The following TAPBP variants were observed in gnomAD, a reference collection of about 807,000 sequenced individuals.
The protein encoded by TAPBP is TAP binding protein.
TAPBP carries 38 observed loss-of-function variants against 45.7 expected under a neutral mutation model. The observed-to-expected ratio is 0.83, with a 90% CI of 0.64 to 1.09. The LOEUF (loss-of-function observed/expected upper bound fraction) is 1.09. Ranked by LOEUF, TAPBP falls within the 50% of genes least tolerant of loss-of-function variation. TAPBP has a pLI of 0.00. For synonymous variants in TAPBP, 226 were observed against 254.8 expected, an observed-to-expected ratio of 0.89 and a Z score of 1.08; for missense variants, 513 against 587.3, an observed-to-expected ratio of 0.87 and a Z score of 1.31.
Position 33,304,479 on chromosome 6 carries a change from G to A in TAPBP, c.1028C>T (p.Ala343Val), listed in dbSNP as rs757939000. 1 of 1,613,002 alleles carries A rather than the reference G, an allele frequency of 6.2e-7. No individual in the cohort carries two copies. Among genetic ancestry groups the A allele is most frequent in the South Asian group, 1.1e-5 (1 of 90,922 alleles). ...RGGPGGRSQK[A>V]EGQRWLSALR... ...GGCCGAGAGCCACCTCTGCCCCTCGGCCTTCTGAGAGCGGCCCCCTGGGCC... is the reference window on the plus strand; with the variant it reads ...GGCCGAGAGCCACCTCTGCCCCTCGACCTTCTGAGAGCGGCCCCCTGGGCC... The change falls in exon 5 of 8, where the codon GCC (alanine) becomes GTC (valine). Residue 343 changes from alanine (A) to valine (V), a missense_variant. By Grantham distance (64) the Ala-to-Val change is moderately conservative. Coordinates refer to ENST00000434618, the MANE Select transcript of TAPBP (RefSeq NM_003190.5).
intron 7 of TAPBP, 197 bp downstream of exon 7, chr6:33,303,758 C>T (rs1768740557): frequency 6.4e-7 from 1 of 1,551,078 alleles, no homozygotes; most frequent in Non-Finnish European, 8.7e-7. Flanking sequence ...ATCCCTACAC[C>T]CAAGGAAACA....
At chr6:33,301,964 T>C (rs563288193) in intron 7 of TAPBP, among the ~76,000 whole-genome samples, 193 bp from the exon 8 acceptor site, 59 of 152,214 alleles carry the variant, frequency 3.9e-4, no homozygotes, top group Non-Finnish European at 6.6e-4. Flanking sequence ...CTGTCTTCCT[T>C]AATCCTCCTA....
At chr6:33,306,764 A>G (rs1367071182) in intron 3 of TAPBP, among the ~76,000 whole-genome samples, 1 of 152,222 alleles carries the variant, frequency 6.6e-6, no homozygotes, top group African/African-American at 2.4e-5. Context: ...GGATCACCTG[A>G]GTTCGGGAGT....
chr6:33,308,302 C>G (rs1337460452), intron 3 of TAPBP: 2 of 152,154 alleles, frequency 1.3e-5, no homozygotes, highest in Non-Finnish European at 2.9e-5. Flanking sequence ...CACCCCATTG[C>G]ACTCCAGCAT....
chr6:33,309,385 C>CA (rs11455464), intron 3 of TAPBP, among the ~76,000 whole-genome samples: 86,504 of 147,088 alleles, frequency 0.59, 25,770 homozygotes, highest in African/African-American at 0.72. Flanking sequence ...AACTTGATCT[C>CA]AAAAAAAAAA....
At chr6:33,302,890 G>A (rs1240459423) in intron 7 of TAPBP, among the ~76,000 whole-genome samples, 2 of 151,600 alleles carry the variant, frequency 1.3e-5, no homozygotes, top group Non-Finnish European at 2.9e-5. Context: ...TGATCCTCCC[G>A]CCTCGGCCTC....
Position 33,313,436 on chromosome 6 carries a change from G to A in TAPBP, c.250C>T (p.Arg84Trp). 6.3e-7 allele frequency: 1 copy of A among 1,596,548 alleles called. No homozygotes were observed. The highest frequency in any genetic ancestry group is 8.6e-7 in the Non-Finnish European group (1 of 1,169,012). ...TCGCAGTGTGGTGCGGGGGCGCCCC[G>A]GGGATACCGCCTGAAGGCAGCCTGG... ...ALQAAFRRYP[R>W]GAPAPHCEMS... is the part of the protein sequence containing the mutation. Residue 84 changes from arginine (R) to tryptophan (W), a missense_variant, in exon 3 of 8, where the codon CGG (arginine) becomes TGG (tryptophan). Physicochemically the swap from Arg to Trp is moderately radical, Grantham distance 101. Coordinates refer to ENST00000434618, the MANE Select transcript of TAPBP (RefSeq NM_003190.5). The surrounding 1 kb of genome is among the most constrained non-coding windows in gnomAD (Gnocchi z 7.2).
chr6:33,313,434 C>A lies in TAPBP; in HGVS notation c.252G>T (p.Arg84=), dbSNP rs1386765002. The part of the protein sequence containing the change: ...ALQAAFRRYP[R]GAPAPHCEMS... ...TCTCGCAGTGTGGTGCGGGGGCGCC[C>A]CGGGGATACCGCCTGAAGGCAGCCT... Residue 84 remains arginine (R), a synonymous_variant, in exon 3 of 8, where the codon CGG becomes CGT. Transcript: ENST00000434618. This position sits in a 1 kb window ranked among gnomAD's most constrained non-coding sequence, Gnocchi z 7.2. 2 of 1,596,714 alleles carry A rather than the reference C, an allele frequency of 1.3e-6. No homozygotes were observed. The highest frequency in any genetic ancestry group is 2.3e-5 in the East Asian group (1 of 44,262).
chr6:33,302,293 G>A (rs1313987987), intron 7 of TAPBP, among the ~76,000 whole-genome samples: 8 of 151,708 alleles, frequency 5.3e-5, no homozygotes, highest in Non-Finnish European at 1.5e-5. Flanking sequence ...CTATAGCTGT[G>A]TGCCACCATG....
At position 33,305,265 on chromosome 6, in the gene TAPBP, CCGGAGCCAGAGATGAGGCGGCCT is replaced by C. The variant is rs1768902276; in HGVS notation, c.569_591del (p.Glu190GlyfsTer16). On this transcript the variant is annotated frameshift_variant, in exon 4 of 8. Transcript: ENST00000434618. LOFTEE classifies it high-confidence loss of function. The surrounding 1 kb of genome is among the most constrained non-coding windows in gnomAD (Gnocchi z 4.4). ...CACTCTAGCCCAAAGGGAGGGGGAC[CCGGAGCCAGAGATGAGGCGGCCT>C]CGGAGGTGGGGGGCATGTAGGCAAA... The C allele has an allele frequency of 1.9e-6, 3 of 1,601,622 alleles. No individual in the cohort carries two copies. Among genetic ancestry groups the C allele is most frequent in the Non-Finnish European group, 2.6e-6 (3 of 1,172,780 alleles).
chr6:33,311,651 A>G (rs1403593277), intron 3 of TAPBP, among the ~76,000 whole-genome samples: 5 of 151,646 alleles, frequency 3.3e-5, no homozygotes, highest in Admixed American at 3.3e-4. Context: ...AATAAATAAA[A>G]TAAAAATAAA....
In TAPBP at chr6:33,313,450, A is replaced by C; in HGVS notation, c.236T>G (p.Phe79Cys). 1 of 1,589,224 alleles carries C rather than the reference A, an allele frequency of 6.3e-7. No homozygotes were observed. Among genetic ancestry groups the C allele is most frequent in the Non-Finnish European group, 8.6e-7 (1 of 1,164,578 alleles). The change falls in exon 3 of 8, where the codon TTC becomes TGC. Residue 79 changes from phenylalanine (F) to cysteine (C), a missense_variant. Coordinates refer to ENST00000434618, the MANE Select transcript of TAPBP (RefSeq NM_003190.5). The surrounding 1 kb of genome is among the most constrained non-coding windows in gnomAD (Gnocchi z 7.2). Reference sequence around the variant, plus strand: ...GGGGGCGCCCCGGGGATACCGCCTGAAGGCAGCCTGGAGGGCGCCCGCGGG... The same window carrying C: ...GGGGGCGCCCCGGGGATACCGCCTGCAGGCAGCCTGGAGGGCGCCCGCGGG... ...HDPAGALQAA[F>C]RRYPRGAPAP...
Position 33,304,463 on chromosome 6 carries a change from C to A in TAPBP, c.1044G>T (p.Trp348Cys). 6.2e-7 allele frequency: 1 copy of A among 1,611,756 alleles called. No individual in the cohort carries two copies. The highest frequency in any genetic ancestry group is 8.5e-7 in the Non-Finnish European group (1 of 1,178,898). The change falls in exon 5 of 8, where the codon TGG becomes TGT. Residue 348 changes from tryptophan to cysteine, a missense_variant. Physicochemically the swap from Trp to Cys is radical, Grantham distance 215. Coordinates refer to ENST00000434618, the MANE Select transcript of TAPBP (RefSeq NM_003190.5). ...GRSQKAEGQR[W>C]LSALRHHSDG... ...CGGAATGGTGGCGCAGGGCCGAGAG[C>A]CACCTCTGCCCCTCGGCCTTCTGAG...
At position 33,313,819 on chromosome 6, in the gene TAPBP, C is replaced by T. The variant is rs1769575649; in HGVS notation, c.83G>A (p.Trp28Ter). 2 of 1,613,832 alleles carry T rather than the reference C, an allele frequency of 1.2e-6. No individual in the cohort carries two copies. The highest frequency in any genetic ancestry group is 1.7e-6 in the Non-Finnish European group (2 of 1,180,002). ...CTTTCCGCTCGCATCCTCCACGAAC[C>T]AACACTCGATCACCGCGGGTCCTGC... ...VSAGPAVIEC[W>*]FVEDASGKGL... Residue 28 changes from tryptophan (W) to a stop codon, truncating the protein, a stop_gained, in exon 2 of 8, where the codon TGG becomes TAG. Transcript: ENST00000434618. LOFTEE classifies it high-confidence loss of function. The surrounding 1 kb of genome is among the most constrained non-coding windows in gnomAD (Gnocchi z 7.2).
At chr6:33,311,819 AG>A (rs928439050) in intron 3 of TAPBP, among the ~76,000 whole-genome samples, 19 of 152,296 alleles carry the variant, frequency 1.2e-4, no homozygotes, top group African/African-American at 3.8e-4. Flanking sequence ...CCTGGAGAGC[AG>A]AGTCTACATC....
At chr6:33,307,690 C>T (rs960818571) in intron 3 of TAPBP, among the ~76,000 whole-genome samples, 2 of 152,188 alleles carry the variant, frequency 1.3e-5, no homozygotes, top group South Asian at 2.1e-4. Flanking sequence ...GCATGAGCCA[C>T]CACGCCTGGC....
At chr6:33,306,575 C>T (rs1304153627) in intron 3 of TAPBP, among the ~76,000 whole-genome samples, 1 of 152,230 alleles carries the variant, frequency 6.6e-6, no homozygotes, top group Non-Finnish European at 1.5e-5. Flanking sequence ...ACAATTACAA[C>T]AGCCCTCCTG....
At chr6:33,308,799 ATTC>A (rs1352465783) in intron 3 of TAPBP, among the ~76,000 whole-genome samples, 1 of 152,034 alleles carries the variant, frequency 6.6e-6, no homozygotes, top group Non-Finnish European at 1.5e-5. Flanking sequence ...GCCCAAGACA[ATTC>A]TTCTCCCAGT....
rs144810851 is a variant in TAPBP at position 33,304,128 on chromosome 6, C to G, written c.1300G>C (p.Ala434Pro). 13 of 1,612,970 alleles carry G rather than the reference C, an allele frequency of 8.1e-6. No homozygotes were observed. The highest frequency in any genetic ancestry group is 1.7e-5 in the Admixed American group (1 of 59,896). The change falls in exon 6 of 8, where the codon GCT (alanine) becomes CCT (proline). Residue 434 changes from alanine (A) to proline (P), a missense_variant and splice_region_variant. Coordinates refer to ENST00000434618, the MANE Select transcript of TAPBP (RefSeq NM_003190.5). ...TGGTCAGGGTAGGGCTGACACTTACCAGCCCAGCCCAGTGCCTTGAAGAGC... is the reference window on the plus strand; with the variant it reads ...TGGTCAGGGTAGGGCTGACACTTACGAGCCCAGCCCAGTGCCTTGAAGAGC... Reference protein sequence around the residue: ...LGLFKALGWAAVYLSTCKDSK... With the variant: ...LGLFKALGWAPVYLSTCKDSK...
Sources: allele counts gnomAD v4.1 joint callset (sites outside exome capture counted in the v4.1 genomes callset), GRCh38; gene constraint gnomAD v4.1.1; non-coding constraint Gnocchi (gnomAD v3.1); transcripts MANE v1.5; gene names NCBI Gene and HGNC (gene_info 2026-07-23, HGNC 2026-07-21).